Variants in ZFR observed in about 807,000 individuals in gnomAD.
The protein encoded by ZFR is zinc finger RNA-binding protein.
ZFR carries 19 observed loss-of-function variants against 130.7 expected under a neutral mutation model. The ratio of observed to expected loss-of-function variants is 0.15; its 90% CI spans 0.10 to 0.21. ZFR has a LOEUF of 0.21. Among genes scored for constraint, ZFR ranks in the 10% least tolerant of loss-of-function variants. The pLI, the probability that ZFR is intolerant of heterozygous loss-of-function variation, is 1.00. For synonymous variants in ZFR, 466 were observed against 456.9 expected (o/e 1.02, Z -0.25); for missense variants, 872 against 1,321.5 (o/e 0.66, Z 5.27).
chr5:32,416,482 C>T (rs1241195327), intron 4 of ZFR, among the ~76,000 whole-genome samples: 4 of 152,020 alleles, frequency 2.6e-5, no homozygotes, highest in Non-Finnish European at 4.4e-5. Context: ...GGCATGGTGG[C>T]GCATGCCTGT....
In ZFR at chr5:32,417,792, C is replaced by G; in HGVS notation, c.421G>C (p.Asp141His). The G allele has an allele frequency of 1.9e-6, 3 of 1,611,156 alleles. No homozygotes were observed. The highest frequency in any genetic ancestry group is 2.5e-6 in the Non-Finnish European group (3 of 1,178,176). The change falls in exon 4 of 20, where the codon GAT becomes CAT. Residue 141 changes from aspartate to histidine, a missense_variant and splice_region_variant. By Grantham distance (81) the Asp-to-His change is moderately conservative. Around this residue, in one of 7 missense-constraint regions of ZFR, gnomAD observed 240 missense variants for 441.2 expected, o/e 0.54. Transcript: ENST00000265069. ...PPPATTQNYQ[D>H]SYSYVRSTAP... ...GTGGACCTTACATATGAGTATGAAT[C>G]CTAAAGAAAAGGAATGAAAGAAAAT...
At chr5:32,399,714 T>C (rs1753400811) in intron 9 of ZFR, among the ~76,000 whole-genome samples, 1 of 152,250 alleles carries the variant, frequency 6.6e-6, no homozygotes, top group Non-Finnish European at 1.5e-5. Flanking sequence ...TTTATGATAG[T>C]TGAAGGATGT....
intron 11 of ZFR, among the ~76,000 whole-genome samples, chr5:32,391,590 C>T (rs1443809856): frequency 3.4e-5 from 5 of 146,798 alleles, no homozygotes; most frequent in Non-Finnish European, 7.4e-5. Context: ...TCATTTTCAA[C>T]TTCAAACTAG....
intron 2 of ZFR, among the ~76,000 whole-genome samples, chr5:32,434,550 A>G (rs1004298668): frequency 7.2e-5 from 11 of 152,336 alleles, no homozygotes; most frequent in Middle Eastern, 6.8e-3. Flanking sequence ...GGGCAATGCA[A>G]TATCATCTAG....
intron 6 of ZFR, among the ~76,000 whole-genome samples, chr5:32,405,680 C>T (rs1288255967): frequency 6.6e-6 from 1 of 152,208 alleles, no homozygotes; most frequent in African/African-American, 2.4e-5. Flanking sequence ...GACCGCCCAT[C>T]ATTCTTGTTC....
At position 32,392,970 on chromosome 5, in the gene ZFR, C is replaced by T. The variant is rs187792578; in HGVS notation, c.1979+2189G>A. Among the ~76,000 whole-genome samples the T allele has an allele frequency of 3.6e-3, 540 of 152,074 alleles. 3 individuals carry two copies. The highest frequency in any genetic ancestry group is 0.011 in the African/African-American group (443 of 41,456). On this transcript the variant is annotated intron_variant, in intron 11 of 19. Coordinates refer to ENST00000265069, the MANE Select transcript of ZFR (RefSeq NM_016107.5). ...AGATCGTGCCATTGCACTCCAGCCT[C>T]GGCAACACAGTGAGACTCTGTTTAA...
At chr5:32,358,214 G>A (rs973841236) in intron 19 of ZFR, among the ~76,000 whole-genome samples, 7 of 152,202 alleles carry the variant, frequency 4.6e-5, no homozygotes, top group African/African-American at 7.2e-5. Context: ...AAAATTAGCC[G>A]GGTGTGGTGG....
chr5:32,389,658 T>C (rs1029674171), intron 12 of ZFR, among the ~76,000 whole-genome samples: 4 of 152,130 alleles, frequency 2.6e-5, no homozygotes, highest in Non-Finnish European at 5.9e-5. Flanking sequence ...AAAAAATTAG[T>C]TGTTCCTGCT....
intron 2 of ZFR, among the ~76,000 whole-genome samples, chr5:32,431,028 T>C (rs1001547343): frequency 2.0e-5 from 3 of 152,114 alleles, no homozygotes; most frequent in African/African-American, 7.2e-5. Context: ...TGAGCTGAAA[T>C]TGCACCACTG....
chr5:32,442,980 ACT>A (rs1754506566), intron 2 of ZFR, among the ~76,000 whole-genome samples: 7 of 678 alleles, frequency 0.01, no homozygotes, highest in Non-Finnish European at 0.03. Context: ...CCGAGGCAGG[ACT>A]CTGCCCAGGA....
intron 15 of ZFR, among the ~76,000 whole-genome samples, chr5:32,382,610 G>C (rs1026101581): frequency 2.0e-5 from 3 of 152,002 alleles, no homozygotes; most frequent in African/African-American, 4.8e-5. Flanking sequence ...GACACCTATT[G>C]CAATTTTTTT....
chr5:32,401,607 T>A (rs555393827), intron 8 of ZFR, among the ~76,000 whole-genome samples: 1 of 152,058 alleles, frequency 6.6e-6, no homozygotes, highest in Admixed American at 6.5e-5. Flanking sequence ...CATGGATGAG[T>A]TATGAGGCTG....
At chr5:32,410,021 CA>C (rs1293191160) in intron 5 of ZFR, among the ~76,000 whole-genome samples, 3 of 152,114 alleles carry the variant, frequency 2.0e-5, no homozygotes, top group Non-Finnish European at 4.4e-5. Flanking sequence ...AGTAAAAGCA[CA>C]GTTTTTGAAA....
intron 17 of ZFR, among the ~76,000 whole-genome samples, chr5:32,372,634 A>G (rs1258570299): frequency 1.3e-5 from 2 of 152,108 alleles, no homozygotes; most frequent in African/African-American, 4.8e-5. Flanking sequence ...AGAGCTCGAG[A>G]CTAACCTGGC....
intron 13 of ZFR, among the ~76,000 whole-genome samples, chr5:32,388,110 G>C (rs1313680535): frequency 3.9e-5 from 6 of 152,240 alleles, no homozygotes; most frequent in Admixed American, 3.3e-4. Flanking sequence ...AGTGCTTTAA[G>C]GAAATAGTTA....
intron 7 of ZFR, 133 bp from the exon 8 acceptor site, chr5:32,403,530 A>G (rs1753514954): frequency 9.6e-7 from 1 of 1,043,546 alleles, no homozygotes; most frequent in Non-Finnish European, 1.4e-6. Context: ...GTTTTTGTAT[A>G]TACACACATA....
chr5:32,360,188 T>C (rs1287612071), intron 19 of ZFR, among the ~76,000 whole-genome samples: 1 of 152,212 alleles, frequency 6.6e-6, no homozygotes, highest in African/African-American at 2.4e-5. Flanking sequence ...CAACTTTCTC[T>C]ACATAGTTAT....
chr5:32,394,489 G>A (rs1194957797), intron 11 of ZFR: 1 of 166,406 alleles, frequency 6.0e-6, no homozygotes, highest in Non-Finnish European at 1.5e-5. Flanking sequence ...CCATTTATAT[G>A]AAATCTCTAG....
intron 15 of ZFR, 109 bp downstream of exon 15, chr5:32,385,399 T>C: frequency 7.7e-7 from 1 of 1,306,126 alleles, no homozygotes. Flanking sequence ...ATCTATCAAA[T>C]TCACGTGTAA....
Sources: allele counts gnomAD v4.1 joint callset (sites outside exome capture counted in the v4.1 genomes callset), GRCh38; gene constraint gnomAD v4.1.1; regional missense constraint gnomAD v4.1.1; transcripts MANE v1.5; gene names NCBI Gene and HGNC (gene_info 2026-07-23, HGNC 2026-07-21).